PRELID2: variants seen among roughly 807,000 people sequenced by gnomAD.
PRELID2 encodes the protein PRELI domain containing 2, also known as PRELI domain-containing protein 2.
PRELID2 carries 25 observed loss-of-function variants against 28.4 expected under a neutral mutation model. That is an observed-to-expected ratio of 0.88 (90% CI 0.64 to 1.23). The LOEUF is 1.23. Ranked by LOEUF, PRELID2 falls within the 50% of genes most tolerant of loss-of-function variation. The pLI, the probability that PRELID2 is intolerant of heterozygous loss-of-function variation, is 0.00. For missense variants in PRELID2, 201 were observed against 214.4 expected (o/e 0.94, Z 0.39); for synonymous variants, 76 against 71.6 (o/e 1.06, Z -0.31).
intron 5 of PRELID2, among the ~76,000 whole-genome samples, chr5:145,792,650 C>T (rs1004488584): frequency 2.5e-4 from 38 of 152,040 alleles, no homozygotes; most frequent in African/African-American, 8.7e-4. Context: ...ATAGGTGACA[C>T]CCAAAAAGTG....
the PRELID2 span, among the ~76,000 whole-genome samples, chr5:145,342,537 TA>T: frequency 6.6e-6 from 1 of 152,106 alleles, no homozygotes; most frequent in Non-Finnish European, 1.5e-5. Context: ...AATATATATA[TA>T]AAATGTGGTT....
Position 145,492,918 on chromosome 5 carries a change from G to A in PRELID2, n.71-19603C>T, listed in dbSNP as rs1307797666. ...ACTGGTCTGTAGTTTGGACTGTGGG[G>A]ATCTGCCTGGTGCTGGGTGGTAAGC... On this transcript the variant is annotated intron_variant and non_coding_transcript_variant, in intron 1 of 2. Coordinates refer to the PRELID2 transcript ENST00000510259. Among the ~76,000 whole-genome samples the A allele has an allele frequency of 1.4e-5, 2 of 140,638 alleles. 1 individual carries two copies. The highest frequency in any genetic ancestry group is 4.0e-4 in the East Asian group (2 of 4,984). 92.3% of individuals were successfully genotyped at this position (140,638 alleles called of 152,430 possible).
intron 1 of PRELID2, among the ~76,000 whole-genome samples, chr5:145,616,799 G>T (rs1353555292): frequency 1.3e-5 from 2 of 152,170 alleles, no homozygotes; most frequent in Admixed American, 6.6e-5. Flanking sequence ...AGGAGACAGG[G>T]TTTGAGAGCA....
At chr5:145,666,468 T>A (rs10040035) in intron 1 of PRELID2, among the ~76,000 whole-genome samples, 9,665 of 152,052 alleles carry the variant, frequency 0.064, 1,021 homozygotes, top group African/African-American at 0.22. Context: ...AAGTGAGGCA[T>A]CTATTCCAGA....
At chr5:145,253,147 C>T in the PRELID2 span, among the ~76,000 whole-genome samples, 1 of 152,006 alleles carries the variant, frequency 6.6e-6, no homozygotes, top group African/African-American at 2.4e-5. Flanking sequence ...TAATACCAGT[C>T]CAAATCTCAT....
chr5:145,410,785 C>A, the PRELID2 span, among the ~76,000 whole-genome samples: 1 of 151,964 alleles, frequency 6.6e-6, no homozygotes, highest in Non-Finnish European at 1.5e-5. Context: ...ACTGCACTCC[C>A]GAATCTCATG....
the PRELID2 span, chr5:145,229,360 C>T: frequency 1.3e-6 from 1 of 740,762 alleles, no homozygotes; most frequent in East Asian, 2.6e-5. Flanking sequence ...TGTGGAGCAT[C>T]GACAAGAACC....
At chr5:145,728,648 A>G in intron 1 of PRELID2, 1 of 1,401,788 alleles carries the variant, frequency 7.1e-7, no homozygotes, top group Non-Finnish European at 1.0e-6. Context: ...CATAACCAAT[A>G]TTTTCAATGA....
At chr5:145,779,885 C>A (rs1476264825) in intron 5 of PRELID2, among the ~76,000 whole-genome samples, 1 of 152,124 alleles carries the variant, frequency 6.6e-6, no homozygotes, top group South Asian at 2.1e-4. Context: ...TTTATAATGT[C>A]ATAATGGGAA....
chr5:145,833,866 A>G (rs1755764859), intron 1 of PRELID2, among the ~76,000 whole-genome samples: 1 of 152,262 alleles, frequency 6.6e-6, no homozygotes, highest in Non-Finnish European at 1.5e-5. Flanking sequence ...GGGACCTTCA[A>G]AGATCATCTG....
chr5:145,595,163 C>CACACACACACACAT (rs1420793945), intron 1 of PRELID2, among the ~76,000 whole-genome samples: 49 of 135,514 alleles, frequency 3.6e-4, no homozygotes, highest in African/African-American at 1.5e-3. Flanking sequence ...TCATAATAGA[C>CACACACACACACAT]ACACACACAC....
At chr5:145,766,516 A>C (rs1044202455) in intron 5 of PRELID2, among the ~76,000 whole-genome samples, 2 of 152,166 alleles carry the variant, frequency 1.3e-5, no homozygotes, top group Non-Finnish European at 2.9e-5. Flanking sequence ...AGTAGACTAA[A>C]CTAAAGTTAG....
intron 1 of PRELID2, among the ~76,000 whole-genome samples, chr5:145,494,965 A>T (rs1305207893): frequency 6.6e-6 from 1 of 152,166 alleles, no homozygotes; most frequent in Non-Finnish European, 1.5e-5. Context: ...GCCAATGACA[A>T]TATGTCTTCA....
At chr5:145,230,156 G>C in the PRELID2 span, 10 of 445,786 alleles carry the variant, frequency 2.2e-5, no homozygotes, top group South Asian at 2.0e-4. Context: ...GTTCTCCCCA[G>C]CTGGCAACCT....
the PRELID2 span, among the ~76,000 whole-genome samples, chr5:145,443,837 C>G: frequency 6.6e-6 from 1 of 151,942 alleles, no homozygotes; most frequent in African/African-American, 2.4e-5. Context: ...AAGTTGGAGC[C>G]CCTATTTTTG....
chr5:145,613,236 T>C (rs1351840761), intron 1 of PRELID2, among the ~76,000 whole-genome samples: 1 of 152,176 alleles, frequency 6.6e-6, no homozygotes, highest in Non-Finnish European at 1.5e-5. Flanking sequence ...ATTATTTGTG[T>C]TGAGTATTTT....
intron 1 of PRELID2, among the ~76,000 whole-genome samples, chr5:145,682,605 A>C (rs183137528): frequency 2.0e-5 from 3 of 152,256 alleles, no homozygotes; most frequent in Admixed American, 1.3e-4. Context: ...CTTGAAGTGC[A>C]TTTCTAAATG....
At chr5:145,373,918 A>G in the PRELID2 span, among the ~76,000 whole-genome samples, 1 of 136,300 alleles carries the variant, frequency 7.3e-6, no homozygotes, top group Non-Finnish European at 1.5e-5. Flanking sequence ...AATATATATG[A>G]TATTATATAT....
At chr5:145,599,469 T>A (rs1378013959) in intron 1 of PRELID2, among the ~76,000 whole-genome samples, 1 of 152,202 alleles carries the variant, frequency 6.6e-6, no homozygotes, top group Non-Finnish European at 1.5e-5. Flanking sequence ...TTTGTATCCA[T>A]GAAGGTCCCA....
Sources: allele counts gnomAD v4.1 joint callset (sites outside exome capture counted in the v4.1 genomes callset), GRCh38; gene constraint gnomAD v4.1.1; transcripts MANE v1.5; gene names NCBI Gene and HGNC (gene_info 2026-07-23, HGNC 2026-07-21).